The following CEP112 variants were observed in gnomAD, a reference collection of about 807,000 sequenced individuals.
CEP112 encodes centrosomal protein 112.
Under a neutral mutation model 153.0 loss-of-function variants are expected in CEP112, and 127 were observed. The ratio of observed to expected loss-of-function variants is 0.83; its 90% CI spans 0.72 to 0.96. The LOEUF is 0.96. Ranked by LOEUF, CEP112 falls within the 40% of genes least tolerant of loss-of-function variation. The probability of loss-of-function intolerance (pLI) is 0.00; values close to 1 mark genes in which losing one functional copy is unlikely to be tolerated. For synonymous variants in CEP112, 358 were observed against 374.4 expected (o/e 0.96, Z 0.51); for missense variants, 1,089 against 1,101.2 (o/e 0.99, Z 0.16).
At chr17:65,962,839 C>T (rs923937863) in intron 17 of CEP112, among the ~76,000 whole-genome samples, 1 of 152,198 alleles carries the variant, frequency 6.6e-6, no homozygotes, top group African/African-American at 2.4e-5. Flanking sequence ...TTGCCTTCCG[C>T]CATGATTGTG....
At chr17:65,866,308 G>A (rs924990139) in intron 20 of CEP112, among the ~76,000 whole-genome samples, 2 of 152,236 alleles carry the variant, frequency 1.3e-5, no homozygotes, top group African/African-American at 4.8e-5. Context: ...GCAGCCCCCT[G>A]CTGCCTCAGT....
At position 65,918,168 on chromosome 17, in the gene CEP112, A is replaced by G. The variant is rs539899075; in HGVS notation, c.1980+9414T>C. ...GCACTCCAGCCTGAGTGACAGAGCA[A>G]GACTCTGTCTCAAAAAAAAAAAAAA... On this transcript the variant is annotated intron_variant, in intron 19 of 26. Transcript: ENST00000535342. 1.1e-4 allele frequency among the ~76,000 whole-genome samples: 15 copies of G among 139,364 alleles called. No individual in the cohort carries two copies. In the South Asian group the frequency reaches 2.4e-3, roughly 22 times the overall value. 91.4% of individuals were successfully genotyped at this position (139,364 alleles called of 152,430 possible).
intron 21 of CEP112, among the ~76,000 whole-genome samples, chr17:65,767,099 T>C (rs2053030605): frequency 6.6e-6 from 1 of 152,192 alleles, no homozygotes; most frequent in Admixed American, 6.5e-5. Flanking sequence ...TCTCCTTTAG[T>C]GCACATGGAA....
At chr17:65,721,660 T>C (rs2049894369) in intron 23 of CEP112, among the ~76,000 whole-genome samples, 1 of 152,310 alleles carries the variant, frequency 6.6e-6, no homozygotes, top group East Asian at 1.9e-4. Context: ...AAATAAATCT[T>C]GGCATAAGTG....
At chr17:65,791,883 A>G (rs541507819) in intron 21 of CEP112, among the ~76,000 whole-genome samples, 10 of 152,334 alleles carry the variant, frequency 6.6e-5, no homozygotes, top group African/African-American at 2.4e-4. Flanking sequence ...AGCAATTAAA[A>G]TACATAAAGA....
At chr17:65,756,203 A>C (rs1773901268) in intron 21 of CEP112, among the ~76,000 whole-genome samples, 1 of 152,152 alleles carries the variant, frequency 6.6e-6, no homozygotes, top group Non-Finnish European at 1.5e-5. Flanking sequence ...CAGGAGTTCG[A>C]GACCAGCCTG....
intron 8 of CEP112, among the ~76,000 whole-genome samples, chr17:66,086,380 C>CTTTTTT (rs71160531): frequency 1.5e-5 from 1 of 67,058 alleles, no homozygotes; most frequent in African/African-American, 6.4e-5. Context: ...ATTTTCTTTT[C>CTTTTTT]TTTTTTTTTT....
chr17:65,679,129 C>CTTTTTTTAT (rs2047380411), intron 24 of CEP112, among the ~76,000 whole-genome samples: 1 of 31,612 alleles, frequency 3.2e-5, no homozygotes, highest in Admixed American at 5.3e-4. Context: ...GTGGTTCAAG[C>CTTTTTTTAT]TTTTTTTTTT....
chr17:65,711,323 GT>G (rs1055252360), intron 23 of CEP112, among the ~76,000 whole-genome samples: 2 of 152,178 alleles, frequency 1.3e-5, no homozygotes, highest in African/African-American at 4.8e-5. Context: ...TGCTAGTCAT[GT>G]GACTTTGGGC....
intron 17 of CEP112, among the ~76,000 whole-genome samples, chr17:65,995,047 C>A (rs142335967): frequency 6.6e-6 from 1 of 152,020 alleles, no homozygotes; most frequent in Non-Finnish European, 1.5e-5. Flanking sequence ...CTCCATCAAA[C>A]CCGAAGAGCT....
Position 65,841,507 on chromosome 17 carries a change from G to A in CEP112, c.2394+10297C>T, listed in dbSNP as rs779734610. Among the ~76,000 whole-genome samples, 15 of 152,092 alleles carry A rather than the reference G, an allele frequency of 9.9e-5. No homozygotes were observed. The East Asian group carries it at 2.3e-3, about 23-fold the overall frequency. ...ACCAGAGGCTGGGAAGGGTAAAGAGGAGAAGACATAAAGAGAGGTTGGTTA... is the reference window on the plus strand; with the variant it reads ...ACCAGAGGCTGGGAAGGGTAAAGAGAAGAAGACATAAAGAGAGGTTGGTTA... On this transcript the variant is annotated intron_variant, in intron 21 of 26. Transcript: ENST00000535342.
chr17:66,164,716 C>T lies in CEP112; in HGVS notation c.470+10328G>A, dbSNP rs371408415. Among the ~76,000 whole-genome samples, 19 of 151,756 alleles carry T rather than the reference C, an allele frequency of 1.3e-4. No homozygotes were observed. The East Asian group carries it at 3.1e-3, about 25-fold the overall frequency. ...ACTAAAAATACAAAAATTAGTTGGG[C>T]GTGGTGGCAGGCGCCCGTAATCCCA... On this transcript the variant is annotated intron_variant, in intron 4 of 26. Coordinates refer to ENST00000535342, the MANE Select transcript of CEP112 (RefSeq NM_001199165.4).
chr17:65,658,660 A>G (rs1404931323), intron 24 of CEP112, among the ~76,000 whole-genome samples: 1 of 152,158 alleles, frequency 6.6e-6, no homozygotes, highest in East Asian at 1.9e-4. Flanking sequence ...TAGAGGCCCA[A>G]GAATCACAGG....
chr17:66,071,619 G>C (rs905530390), intron 8 of CEP112, among the ~76,000 whole-genome samples: 5 of 152,118 alleles, frequency 3.3e-5, no homozygotes, highest in Admixed American at 6.5e-5. Context: ...ACCAAGTTAG[G>C]AATAAATACC....
chr17:65,826,464 CA>C, intron 21 of CEP112: 1 of 1,496,960 alleles, frequency 6.7e-7, no homozygotes, highest in Admixed American at 2.6e-5. Flanking sequence ...GATTCCCCAC[CA>C]CAATCTCTTA....
At chr17:65,958,585 C>A (rs930307540) in intron 18 of CEP112, among the ~76,000 whole-genome samples, 1 of 45,766 alleles carries the variant, frequency 2.2e-5, no homozygotes, top group African/African-American at 6.4e-5. Context: ...GCATGCCAGC[C>A]CCCTGCTGCC....
chr17:65,856,805 G>A (rs2146350652), intron 20 of CEP112, among the ~76,000 whole-genome samples: 1 of 152,314 alleles, frequency 6.6e-6, no homozygotes, highest in African/African-American at 2.4e-5. Context: ...CTCTGTCAAT[G>A]TAAATCAAAG....
rs865956325 is a variant in CEP112 at position 65,971,660 on chromosome 17, G to A, written c.1737-10062C>T. 3.3e-5 allele frequency among the ~76,000 whole-genome samples: 4 copies of A among 122,200 alleles called. 1 individual carries two copies. The Middle Eastern group carries it at 0.016, about 497-fold the overall frequency. 80.2% of individuals were successfully genotyped at this position (122,200 alleles called of 152,430 possible). A position where few individuals can be genotyped will look rare whatever the true frequency, so the allele number is the denominator to read the frequency against. On this transcript the variant is annotated intron_variant, in intron 17 of 26. Coordinates refer to ENST00000535342, the MANE Select transcript of CEP112 (RefSeq NM_001199165.4). ...GCGTTATATTGCATGCATGTCACAT[G>A]CATGTATGTTACATGCATATTACAT...
chr17:65,810,044 G>A (rs1287464816), intron 21 of CEP112, among the ~76,000 whole-genome samples: 1 of 152,218 alleles, frequency 6.6e-6, no homozygotes, highest in Non-Finnish European at 1.5e-5. Context: ...ACAGAGCACT[G>A]CATTTAGTGC....
Sources: allele counts gnomAD v4.1 joint callset (sites outside exome capture counted in the v4.1 genomes callset), GRCh38; gene constraint gnomAD v4.1.1; transcripts MANE v1.5; gene names NCBI Gene and HGNC (gene_info 2026-07-23, HGNC 2026-07-21).